The following GALNT13 variants were observed in gnomAD, a reference collection of about 807,000 sequenced individuals.
GALNT13 encodes the protein polypeptide N-acetylgalactosaminyltransferase 13, also known as UDP-GalNAc:polypeptide N-acetylgalactosaminyltransferase 13.
GALNT13 carries 28 observed loss-of-function variants against 64.2 expected under a neutral mutation model. The ratio of observed to expected loss-of-function variants is 0.44; its 90% CI spans 0.32 to 0.60. The LOEUF (loss-of-function observed/expected upper bound fraction) is 0.60, where lower values mean the gene tolerates loss of function less well. Ranked by LOEUF, GALNT13 falls within the 20% of genes least tolerant of loss-of-function variation. The probability of loss-of-function intolerance (pLI) is 0.05; values close to 1 mark genes in which losing one functional copy is unlikely to be tolerated. For missense variants in GALNT13, 577 were observed against 669.8 expected (o/e 0.86, Z 1.53); for synonymous variants, 214 against 224.6 (o/e 0.95, Z 0.42).
chr2:153,481,206 A>G, the GALNT13 span, among the ~76,000 whole-genome samples: 2 of 152,276 alleles, frequency 1.3e-5, no homozygotes, highest in South Asian at 2.1e-4. Context: ...TGTTTAATAA[A>G]ATTACTTAGA....
chr2:154,057,827 A>G (rs1191505639), intron 3 of GALNT13, among the ~76,000 whole-genome samples: 2 of 151,996 alleles, frequency 1.3e-5, no homozygotes, highest in African/African-American at 2.4e-5. Context: ...CTTTATGGAT[A>G]ATCTACACAC....
chr2:154,152,205 G>C (rs1442018282), intron 4 of GALNT13, among the ~76,000 whole-genome samples: 1 of 152,116 alleles, frequency 6.6e-6, no homozygotes, highest in African/African-American at 2.4e-5. Context: ...AGTTTGGCTG[G>C]ATATGAAATT....
the GALNT13 span, among the ~76,000 whole-genome samples, chr2:153,475,202 G>A: frequency 6.6e-6 from 1 of 152,098 alleles, no homozygotes; most frequent in South Asian, 2.1e-4. Context: ...AGAACTACTT[G>A]GCATCTCTCT....
At chr2:153,880,645 T>C (rs1040083428) in intron 1 of GALNT13, among the ~76,000 whole-genome samples, 1 of 152,138 alleles carries the variant, frequency 6.6e-6, no homozygotes, top group Non-Finnish European at 1.5e-5. Context: ...TCGATTCTCT[T>C]GATCATTCAG....
chr2:153,887,957 C>T (rs17585469), intron 1 of GALNT13, among the ~76,000 whole-genome samples: 24,531 of 151,892 alleles, frequency 0.16, 2,385 homozygotes, highest in East Asian at 0.26. Flanking sequence ...TATGTGATAT[C>T]TAGTTTTTAA....
chr2:153,811,903 A>G, the GALNT13 span, among the ~76,000 whole-genome samples: 2 of 152,192 alleles, frequency 1.3e-5, no homozygotes, highest in South Asian at 2.1e-4. Flanking sequence ...CTCAATCTCT[A>G]TCTCTTTTTA....
chr2:153,320,143 G>A, the GALNT13 span, among the ~76,000 whole-genome samples: 18 of 152,198 alleles, frequency 1.2e-4, no homozygotes, highest in Admixed American at 2.0e-4. Context: ...TGATTTCAAT[G>A]TGCAGCTAGG....
chr2:153,871,314 C>T (rs1376365598), upstream of GALNT13, among the ~76,000 whole-genome samples: 1 of 152,168 alleles, frequency 6.6e-6, no homozygotes, highest in Admixed American at 6.5e-5. Context: ...ACAGTGCGTT[C>T]GGTGGCAGTA....
chr2:153,876,672 A>G (rs1686403381), intron 1 of GALNT13, among the ~76,000 whole-genome samples: 1 of 152,116 alleles, frequency 6.6e-6, no homozygotes, highest in Non-Finnish European at 1.5e-5. Flanking sequence ...TTACCAAGAA[A>G]TGATTACAGG....
intron 9 of GALNT13, among the ~76,000 whole-genome samples, chr2:154,317,865 T>C (rs1574078326): frequency 6.6e-6 from 1 of 151,866 alleles, no homozygotes; most frequent in African/African-American, 2.4e-5. Context: ...CTGTCAAGGA[T>C]AACAATCATT....
At chr2:153,254,081 G>C in the GALNT13 span, among the ~76,000 whole-genome samples, 5 of 152,232 alleles carry the variant, frequency 3.3e-5, no homozygotes, top group East Asian at 7.7e-4. Flanking sequence ...GAATTCGGCT[G>C]TGAATCCATC....
At chr2:153,307,732 T>A in the GALNT13 span, among the ~76,000 whole-genome samples, 1 of 152,066 alleles carries the variant, frequency 6.6e-6, no homozygotes, top group Non-Finnish European at 1.5e-5. Context: ...GGTGAGATCA[T>A]AGATTTTTTT....
At chr2:153,587,843 G>A in the GALNT13 span, among the ~76,000 whole-genome samples, 2 of 152,210 alleles carry the variant, frequency 1.3e-5, no homozygotes, top group Non-Finnish European at 2.9e-5. Flanking sequence ...TCTGAGACAA[G>A]GCAAGTCTCT....
the GALNT13 span, among the ~76,000 whole-genome samples, chr2:153,455,164 G>T: frequency 1.3e-5 from 2 of 152,100 alleles, no homozygotes; most frequent in African/African-American, 4.8e-5. Context: ...TTCTCATTCA[G>T]TTCTTTAAAA....
At chr2:153,962,493 A>G (rs1047745682) in intron 3 of GALNT13, among the ~76,000 whole-genome samples, 1 of 152,206 alleles carries the variant, frequency 6.6e-6, no homozygotes, top group African/African-American at 2.4e-5. Flanking sequence ...ATAGCAAATG[A>G]AAATAATAAA....
At chr2:153,460,147 G>A in the GALNT13 span, among the ~76,000 whole-genome samples, 1 of 151,974 alleles carries the variant, frequency 6.6e-6, no homozygotes, top group Admixed American at 6.6e-5. Context: ...ACTTATTTCA[G>A]ATGAAGTTGA....
At chr2:153,497,605 T>C in the GALNT13 span, among the ~76,000 whole-genome samples, 1 of 141,644 alleles carries the variant, frequency 7.1e-6, no homozygotes, top group Admixed American at 7.5e-5. Flanking sequence ...TAACATGATC[T>C]TGGTTCACTG....
chr2:153,582,279 A>G, the GALNT13 span, among the ~76,000 whole-genome samples: 1 of 152,176 alleles, frequency 6.6e-6, no homozygotes, highest in African/African-American at 2.4e-5. Context: ...AATGTTCCGT[A>G]TTGATGACAA....
the GALNT13 span, among the ~76,000 whole-genome samples, chr2:153,472,307 A>T: frequency 6.6e-6 from 1 of 152,316 alleles, no homozygotes; most frequent in Admixed American, 6.5e-5. Flanking sequence ...GTAATAAAAA[A>T]TACCAACATG....
Sources: gnomAD v4.1 joint callset for allele counts (sites outside exome capture counted in the v4.1 genomes callset) on GRCh38, gnomAD v4.1.1 for gene constraint, MANE v1.5 for transcripts, NCBI Gene and HGNC (gene_info 2026-07-23, HGNC 2026-07-21) for gene names.